Variants in FAT3 observed in about 807,000 individuals in gnomAD.
FAT3 encodes the protein FAT atypical cadherin 3.
Under a neutral mutation model 310.2 loss-of-function variants are expected in FAT3, and 95 were observed. That is an observed-to-expected ratio of 0.31 (90% confidence interval 0.26 to 0.36). The LOEUF is 0.36. FAT3 is among the 10% of genes least tolerant of loss of function. FAT3 has a pLI of 1.00. For missense variants in FAT3, 5,408 were observed against 5,715.6 expected (o/e 0.95, Z 1.74); for synonymous variants, 2,314 against 2,192.9 (o/e 1.06, Z -1.54).
intron 2 of FAT3, among the ~76,000 whole-genome samples, chr11:92,428,769 T>C (rs938496055): frequency 2.6e-5 from 4 of 152,176 alleles, no homozygotes; most frequent in African/African-American, 9.7e-5. Context: ...TCTGTTCTTT[T>C]GCATTGCCGA....
Position 92,745,360 on chromosome 11 carries a change from A to G in FAT3, c.3670-16496A>G, listed in dbSNP as rs568978225. On this transcript the variant is annotated intron_variant, in intron 4 of 27. Coordinates refer to ENST00000525166, the MANE Select transcript of FAT3 (RefSeq NM_001367949.2). ...CATGGCAGAAGTTTCTTAACGGCCC[A>G]CATGTGAGCACATAGATTGGACTCA... Among the ~76,000 whole-genome samples, 176 of 152,316 alleles carry G rather than the reference A, an allele frequency of 1.2e-3. 1 individual carries two copies. Among genetic ancestry groups the G allele is most frequent in the Non-Finnish European group, 1.9e-3 (126 of 68,038 alleles).
chr11:92,801,506 C>T lies in FAT3; in HGVS notation c.8493C>T (p.Thr2831=), dbSNP rs369269637. 482 of 1,611,356 alleles carry T rather than the reference C, an allele frequency of 3.0e-4. 5 individuals carry two copies. The South Asian group carries it at 3.6e-3, about 12-fold the overall frequency. Residue 2831 remains threonine (T), a synonymous_variant, in exon 10 of 28, where the codon ACC becomes ACT. Transcript: ENST00000525166. ...TIIMEGMPVG[T]KLTQVRAIDM... ...TAATGGAAGGGATGCCTGTTGGCAC[C>T]AAACTCACACAAGTGAGAGCTATTG... is the stretch of plus-strand genomic sequence containing the variant.
intron 19 of FAT3, among the ~76,000 whole-genome samples, chr11:92,856,730 C>T (rs1038184845): frequency 1.3e-5 from 2 of 152,042 alleles, no homozygotes; most frequent in African/African-American, 4.8e-5. Flanking sequence ...TCATACTTTT[C>T]TTTAGAAATG....
At position 92,753,773 on chromosome 11, in the gene FAT3, G is replaced by GGTGTGT. The variant is rs145467493; in HGVS notation, c.3670-8062_3670-8057dup. 1.4e-3 allele frequency among the ~76,000 whole-genome samples: 174 copies of GGTGTGT among 128,196 alleles called. 7 individuals are homozygous for GGTGTGT. The highest frequency in any genetic ancestry group is 3.7e-3 in the Admixed American group (49 of 13,096). The allele number at this position is 128,196 out of a possible 152,430, so 84.1% of individuals were successfully genotyped here. A position where few individuals can be genotyped will look rare whatever the true frequency, so the allele number is the denominator to read the frequency against. On this transcript the variant is annotated intron_variant, in intron 4 of 27. Transcript: ENST00000525166. Reference sequence around the variant, plus strand: ...AAGAAGTCTTGGATAAAGAAACTGTGGTGTGTGTGTGTGTGTGTGTGTGTG... The same window carrying GGTGTGT: ...AAGAAGTCTTGGATAAAGAAACTGTGGTGTGTGTGTGTGTGTGTGTGTGTGTGTGTG...
intron 2 of FAT3, among the ~76,000 whole-genome samples, chr11:92,420,719 G>A (rs1950518219): frequency 6.6e-6 from 1 of 151,984 alleles, no homozygotes; most frequent in Non-Finnish European, 1.5e-5. Flanking sequence ...TTTAAAACAA[G>A]GGAAAAATAT....
At chr11:92,399,588 C>T (rs536050772) in intron 2 of FAT3, among the ~76,000 whole-genome samples, 1 of 152,236 alleles carries the variant, frequency 6.6e-6, no homozygotes, top group East Asian at 1.9e-4. Flanking sequence ...TCTTGACACG[C>T]CCACAACTTG....
chr11:92,739,130 A>C (rs897786516), intron 4 of FAT3, among the ~76,000 whole-genome samples: 10 of 152,138 alleles, frequency 6.6e-5, no homozygotes. Context: ...GGACAGATGG[A>C]TCTCACCCTA....
At position 92,775,277 on chromosome 11, in the gene FAT3, T is replaced by C. The variant is rs533730033; in HGVS notation, c.4335+1097T>C. ...AAGCATTTGCAACTATGTTGTTTTA[T>C]AAAGGAGAGAGGATGAATATTTCAT... On this transcript the variant is annotated intron_variant, in intron 7 of 27. Transcript: ENST00000525166. 9.8e-4 allele frequency among the ~76,000 whole-genome samples: 150 copies of C among 152,350 alleles called. 1 individual carries two copies. The highest frequency in any genetic ancestry group is 3.5e-3 in the African/African-American group (144 of 41,582).
chr11:92,650,487 G>T (rs1942335884), intron 3 of FAT3, among the ~76,000 whole-genome samples: 1 of 152,136 alleles, frequency 6.6e-6, no homozygotes, highest in Non-Finnish European at 1.5e-5. Flanking sequence ...GGGAGTAGTG[G>T]TTCCTTAGCA....
chr11:92,661,620 A>T (rs987218935), intron 3 of FAT3, among the ~76,000 whole-genome samples: 1 of 151,728 alleles, frequency 6.6e-6, no homozygotes, highest in Non-Finnish European at 1.5e-5. Flanking sequence ...GAATATGTTG[A>T]CACATGCCCA....
At chr11:92,648,016 C>T (rs750917921) in intron 3 of FAT3, among the ~76,000 whole-genome samples, 8 of 151,998 alleles carry the variant, frequency 5.3e-5, no homozygotes, top group Non-Finnish European at 8.8e-5. Flanking sequence ...ATAGAAGAGC[C>T]GGAAAGAGGA....
intron 4 of FAT3, among the ~76,000 whole-genome samples, chr11:92,727,054 GCT>G (rs1945023237): frequency 6.6e-6 from 1 of 151,930 alleles, no homozygotes; most frequent in Non-Finnish European, 1.5e-5. Flanking sequence ...ATATTCAAAA[GCT>G]TTTAAAACCA....
intron 13 of FAT3, among the ~76,000 whole-genome samples, chr11:92,822,726 C>A (rs1241397298): frequency 6.6e-6 from 1 of 152,144 alleles, no homozygotes; most frequent in Non-Finnish European, 1.5e-5. Flanking sequence ...TAACTTAGGC[C>A]CAGTTTCTAG....
chr11:92,505,225 GCAAC>G (rs1953064002), intron 2 of FAT3, among the ~76,000 whole-genome samples: 2 of 152,118 alleles, frequency 1.3e-5, no homozygotes, highest in African/African-American at 4.8e-5. Context: ...TGATGCTGAT[GCAAC>G]CATCAGATCA....
intron 6 of FAT3, among the ~76,000 whole-genome samples, chr11:92,767,643 T>G (rs1418444706): frequency 6.6e-6 from 1 of 152,194 alleles, no homozygotes; most frequent in East Asian, 1.9e-4. Flanking sequence ...TGTGACTGTC[T>G]GTAGGTAAGC....
At chr11:92,617,605 C>A (rs1371726467) in intron 3 of FAT3, among the ~76,000 whole-genome samples, 1 of 152,176 alleles carries the variant, frequency 6.6e-6, no homozygotes, top group East Asian at 1.9e-4. Context: ...TTCTCCCCAT[C>A]TTTATGGTTT....
intron 3 of FAT3, among the ~76,000 whole-genome samples, chr11:92,567,561 A>G (rs1371033976): frequency 1.3e-5 from 2 of 151,760 alleles, no homozygotes; most frequent in Non-Finnish European, 2.9e-5. Flanking sequence ...ACTATAGATC[A>G]TGCTGCTATA....
At chr11:92,473,570 A>G (rs1453069528) in intron 2 of FAT3, among the ~76,000 whole-genome samples, 3 of 152,222 alleles carry the variant, frequency 2.0e-5, no homozygotes, top group Non-Finnish European at 4.4e-5. Flanking sequence ...GCGTCAATAC[A>G]GACTGAAATA....
chr11:92,460,218 G>A (rs776758473), intron 2 of FAT3, among the ~76,000 whole-genome samples: 3 of 151,992 alleles, frequency 2.0e-5, no homozygotes, highest in Non-Finnish European at 2.9e-5. Context: ...TTGAATCCAC[G>A]TATTAAAGAG....
Sources: allele counts gnomAD v4.1 joint callset (sites outside exome capture counted in the v4.1 genomes callset), GRCh38; gene constraint gnomAD v4.1.1; transcripts MANE v1.5; gene names NCBI Gene and HGNC (gene_info 2026-07-23, HGNC 2026-07-21).